Variants in KDM1B observed in about 807,000 individuals in gnomAD.
The protein encoded by KDM1B is lysine-specific histone demethylase 2.
In KDM1B, 63 loss-of-function variants were observed where a neutral mutation model predicts 107.4. The observed-to-expected ratio is 0.59, with a 90% CI of 0.48 to 0.72. The LOEUF (loss-of-function observed/expected upper bound fraction) is 0.72. Ranked by LOEUF, KDM1B falls within the 30% of genes least tolerant of loss-of-function variation. KDM1B has a pLI of 0.00. For synonymous variants in KDM1B, 363 were observed against 363.9 expected, an observed-to-expected ratio of 1.00 and a Z score of 0.03; for missense variants, 749 against 1,020.8, an observed-to-expected ratio of 0.73 and a Z score of 3.63.
Position 18,200,074 on chromosome 6 carries a change from A to G in KDM1B, c.1222-365A>G, listed in dbSNP as rs1327523809. Among the ~76,000 whole-genome samples, 1 of 152,116 alleles carries G rather than the reference A, an allele frequency of 6.6e-6. No individual in the cohort carries two copies. Among genetic ancestry groups the G allele is most frequent in the East Asian group, 1.9e-4 (1 of 5,184 alleles). ...TTTCTGGTAGAGACAGGGTTTCACC[A>G]TGTTGGCCAAACTGGTCACAAACTC... On this transcript the variant is annotated intron_variant, in intron 12 of 21. Transcript: ENST00000650836. The surrounding 1 kb of genome is among the most constrained non-coding windows in gnomAD (Gnocchi z 4.3).
Position 18,215,039 on chromosome 6 carries a change from C to T in KDM1B, c.2142C>T (p.Ala714=), listed in dbSNP as rs200397338. Reference sequence around the variant, plus strand: ...ACAGCGTGCTGATGTCTGTGATTGCCGGGGAGGCTGTCGCATCCGTGAGGA... The same window carrying T: ...ACAGCGTGCTGATGTCTGTGATTGCTGGGGAGGCTGTCGCATCCGTGAGGA... ...KKHSVLMSVI[A]GEAVASVRTL... Residue 714 remains alanine (A), a synonymous_variant, in exon 20 of 22, where the codon GCC becomes GCT. Coordinates refer to ENST00000650836, the MANE Select transcript of KDM1B (RefSeq NM_001364614.2). 6.5e-5 allele frequency: 105 copies of T among 1,613,858 alleles called. No individual in the cohort carries two copies. The highest frequency in any genetic ancestry group is 7.9e-5 in the Non-Finnish European group (93 of 1,179,966).
At chr6:18,192,506 G>C (rs1284215997) in intron 10 of KDM1B, among the ~76,000 whole-genome samples, 1 of 152,154 alleles carries the variant, frequency 6.6e-6, no homozygotes, top group Non-Finnish European at 1.5e-5. Context: ...TGAGTAGGCT[G>C]TGCGAGGTAG....
In KDM1B at chr6:18,222,282, T is replaced by C. The variant is rs761168752; in HGVS notation, c.*290T>C. On this transcript the variant is annotated 3_prime_UTR_variant, in exon 22 of 22. Transcript: ENST00000650836. Reference sequence around the variant, plus strand: ...GTTTCAGTTGAGGCCATGGATTTGATTGTTCCATGGCTGGAAGTTCCCTTT... The same window carrying C: ...GTTTCAGTTGAGGCCATGGATTTGACTGTTCCATGGCTGGAAGTTCCCTTT... 3.4e-5 allele frequency: 17 copies of C among 500,256 alleles called. No homozygotes were observed. The highest frequency in any genetic ancestry group is 4.9e-5 in the Non-Finnish European group (13 of 263,940). 31.0% of individuals were successfully genotyped at this position (500,256 alleles called of 1,614,324 possible).
intron 9 of KDM1B, among the ~76,000 whole-genome samples, 185 bp downstream of exon 9, chr6:18,188,187 C>A (rs1787002355): frequency 6.6e-6 from 1 of 152,106 alleles, no homozygotes; most frequent in African/African-American, 2.4e-5. Flanking sequence ...GAGTTTGAGA[C>A]CGGTCTGGGC....
intron 3 of KDM1B, 92 bp from the exon 4 acceptor site, chr6:18,161,235 T>G (rs1278549327): frequency 5.8e-6 from 7 of 1,203,554 alleles, no homozygotes; most frequent in Non-Finnish European, 7.2e-6. Flanking sequence ...CCTTCATGTT[T>G]AGAACTCAGC....
In KDM1B at chr6:18,211,949, GT is replaced by G. The variant is rs1164736109; in HGVS notation, c.1867-523del. 6,267 of 135,298 alleles carry G rather than the reference GT, an allele frequency of 0.046. 317 individuals carry two copies. The highest frequency in any genetic ancestry group is 0.15 in the African/African-American group (5,597 of 36,312). The allele number at this position is 135,298 out of a possible 1,614,324, so 8.4% of individuals were successfully genotyped here. On this transcript the variant is annotated intron_variant, in intron 17 of 21. Transcript: ENST00000650836. The surrounding 1 kb of genome is among the most constrained non-coding windows in gnomAD (Gnocchi z 5.2). ...CTCAAGTACTGCTTTTCGGGGTTTT[GT>G]TTTTTTTTTTTTTTTGAGACAGTCT...
chr6:18,183,361 A>G (rs1233006396), intron 7 of KDM1B, among the ~76,000 whole-genome samples: 1 of 136,266 alleles, frequency 7.3e-6, no homozygotes, highest in Non-Finnish European at 1.5e-5. Context: ...TCCACCTCCC[A>G]GGTTCAAACG....
chr6:18,178,394 A>ATTAT (rs752275286), intron 7 of KDM1B, among the ~76,000 whole-genome samples: 3 of 147,184 alleles, frequency 2.0e-5, no homozygotes, highest in Non-Finnish European at 4.5e-5. Flanking sequence ...CCTATTTTTT[A>ATTAT]TTATTTATTT....
At chr6:18,176,313 A>G (rs1437795424) in intron 7 of KDM1B, among the ~76,000 whole-genome samples, 1 of 152,154 alleles carries the variant, frequency 6.6e-6, no homozygotes, top group Non-Finnish European at 1.5e-5. Flanking sequence ...TTGTATCTGG[A>G]AACTTTGCTA....
At chr6:18,166,521 A>T (rs1785308268) in intron 6 of KDM1B, 143 bp downstream of exon 6, 7 of 587,228 alleles carry the variant, frequency 1.2e-5, no homozygotes, top group Non-Finnish European at 2.2e-5. Flanking sequence ...TTATTTTTAT[A>T]GAAAGCTGAG....
rs1244657539 is a variant in KDM1B at position 18,205,948 on chromosome 6, C to T, written c.1659+284C>T. Among the ~76,000 whole-genome samples, 6 of 151,938 alleles carry T rather than the reference C, an allele frequency of 3.9e-5. No homozygotes were observed. The highest frequency in any genetic ancestry group is 1.9e-4 in the East Asian group (1 of 5,170). ...CGGAAGTCGTAGTGAGCTGGGATCGCGCCACTGCACTCCAGCCTGGAGTCT... is the reference window on the plus strand; with the variant it reads ...CGGAAGTCGTAGTGAGCTGGGATCGTGCCACTGCACTCCAGCCTGGAGTCT... On this transcript the variant is annotated intron_variant, in intron 15 of 21. Transcript: ENST00000650836. This position sits in a 1 kb window ranked among gnomAD's most constrained non-coding sequence, Gnocchi z 5.7.
chr6:18,166,115 T>A (rs1785278988), intron 5 of KDM1B, 152 bp from the exon 6 acceptor site: 1 of 570,326 alleles, frequency 1.8e-6, no homozygotes, highest in Admixed American at 3.0e-5. Flanking sequence ...ACAGCCTGTT[T>A]TATGGGTGCC....
chr6:18,197,088 A>G lies in KDM1B; in HGVS notation c.1001A>G (p.His334Arg). The part of the protein sequence containing the change: ...EALTPQKCIP[H>R]IIVRGLVRIR... ...CTTACTCCTCAGAAATGTATTCCTC[A>G]CATCATCGTCCGGGGTCTCGTGCGT... Residue 334 changes from histidine to arginine, a missense_variant, in exon 11 of 22, where the codon CAC (histidine) becomes CGC (arginine). Physicochemically the swap from His to Arg is conservative, Grantham distance 29 (BLOSUM62 0). Coordinates refer to ENST00000650836, the MANE Select transcript of KDM1B (RefSeq NM_001364614.2). This position sits in a 1 kb window ranked among gnomAD's most constrained non-coding sequence, Gnocchi z 4.5. 1 of 1,613,928 alleles carries G rather than the reference A, an allele frequency of 6.2e-7. No homozygotes were observed. Among genetic ancestry groups the G allele is most frequent in the Non-Finnish European group, 8.5e-7 (1 of 1,179,854 alleles).
At chr6:18,164,534 T>C (rs1315587478) in intron 5 of KDM1B, among the ~76,000 whole-genome samples, 1 of 152,224 alleles carries the variant, frequency 6.6e-6, no homozygotes, top group Non-Finnish European at 1.5e-5. Flanking sequence ...ATCCCTTGTC[T>C]TATCCCTGAT....
At chr6:18,215,758 T>G (rs1789175785) in intron 20 of KDM1B, among the ~76,000 whole-genome samples, 1 of 148,772 alleles carries the variant, frequency 6.7e-6, no homozygotes, top group Non-Finnish European at 1.5e-5. Flanking sequence ...TTTTTTTTTG[T>G]AAGGATATAA....
chr6:18,190,575 C>G (rs972257667), intron 9 of KDM1B, among the ~76,000 whole-genome samples: 4 of 151,246 alleles, frequency 2.6e-5, no homozygotes, highest in South Asian at 2.1e-4. Flanking sequence ...GAACTCCAGC[C>G]AGGGCGACAG....
At chr6:18,164,191 G>A (rs1054100388) in intron 5 of KDM1B, among the ~76,000 whole-genome samples, 4 of 151,834 alleles carry the variant, frequency 2.6e-5, no homozygotes, top group Admixed American at 6.6e-5. Flanking sequence ...GCAGTGGTGC[G>A]ATCTGGACTC....
Position 18,201,688 on chromosome 6 carries a change from A to G in KDM1B, c.1531+31A>G, listed in dbSNP as rs1788043208. 4 of 1,510,066 alleles carry G rather than the reference A, an allele frequency of 2.6e-6. No individual in the cohort carries two copies. Among genetic ancestry groups the G allele is most frequent in the Non-Finnish European group, 2.7e-6 (3 of 1,127,148 alleles). The allele number at this position is 1,510,066 out of a possible 1,614,324, so 93.5% of individuals were successfully genotyped here. ...GGGAGAACGGTGTTCTGATTGTTCCATCTCAGTTTCGTTGTTACCTAAGCT... is the reference window on the plus strand; with the variant it reads ...GGGAGAACGGTGTTCTGATTGTTCCGTCTCAGTTTCGTTGTTACCTAAGCT... On this transcript the variant is annotated intron_variant, in intron 14 of 21. Coordinates refer to ENST00000650836, the MANE Select transcript of KDM1B (RefSeq NM_001364614.2). The surrounding 1 kb of genome is among the most constrained non-coding windows in gnomAD (Gnocchi z 4.3).
At chr6:18,167,633 C>T (rs1040875132) in intron 6 of KDM1B, among the ~76,000 whole-genome samples, 1 of 151,706 alleles carries the variant, frequency 6.6e-6, no homozygotes, top group African/African-American at 2.4e-5. Flanking sequence ...GCTACCACGC[C>T]CAGCTGACTT....
Sources: gnomAD v4.1 joint callset for allele counts (sites outside exome capture counted in the v4.1 genomes callset) on GRCh38, gnomAD v4.1.1 for gene constraint, Gnocchi (gnomAD v3.1) non-coding constraint, MANE v1.5 for transcripts, NCBI Gene and HGNC (gene_info 2026-07-23, HGNC 2026-07-21) for gene names.